Variants in GRIN2A observed in about 807,000 individuals in gnomAD.
GRIN2A encodes the protein glutamate receptor ionotropic, NMDA 2A.
In GRIN2A, 22 loss-of-function variants were observed where a neutral mutation model predicts 113.4. The ratio of observed to expected loss-of-function variants is 0.19; its 90% CI spans 0.14 to 0.28. GRIN2A has a LOEUF of 0.28. Ranked by LOEUF, GRIN2A falls within the 10% of genes least tolerant of loss-of-function variation. The probability of loss-of-function intolerance (pLI) is 1.00; values close to 1 mark genes in which losing one functional copy is unlikely to be tolerated. For missense variants in GRIN2A, 1,502 were observed against 1,887.0 expected, an observed-to-expected ratio of 0.80 and a Z score of 3.78; for synonymous variants, 827 against 738.4, an observed-to-expected ratio of 1.12 and a Z score of -1.94.
chr16:9,843,139 A>G (rs1448257166), intron 5 of GRIN2A, among the ~76,000 whole-genome samples: 3 of 152,056 alleles, frequency 2.0e-5, no homozygotes, highest in Admixed American at 6.6e-5. Context: ...AAGGAAAGAA[A>G]GAAAGAAGCA....
chr16:10,076,081 G>A (rs2047867105), intron 2 of GRIN2A, among the ~76,000 whole-genome samples: 1 of 152,144 alleles, frequency 6.6e-6, no homozygotes, highest in African/African-American at 2.4e-5. Flanking sequence ...ATGGCAAAAT[G>A]TGAATGTTCC....
At chr16:9,995,595 C>T (rs2046207692) in intron 2 of GRIN2A, among the ~76,000 whole-genome samples, 2 of 152,104 alleles carry the variant, frequency 1.3e-5, no homozygotes, top group African/African-American at 2.4e-5. Flanking sequence ...CTATTCACTC[C>T]CAGTCATAAT....
chr16:10,155,481 A>G (rs1181020096), intron 2 of GRIN2A, among the ~76,000 whole-genome samples: 1 of 152,202 alleles, frequency 6.6e-6, no homozygotes, highest in African/African-American at 2.4e-5. Flanking sequence ...GTTCAAGTTA[A>G]ATAGTGGACA....
intron 11 of GRIN2A, among the ~76,000 whole-genome samples, chr16:9,789,514 G>T (rs1902460187): frequency 6.6e-6 from 1 of 151,434 alleles, no homozygotes; most frequent in African/African-American, 2.4e-5. Flanking sequence ...AGAGAATTTG[G>T]AAAACAAACC....
rs1426934537 is a variant in GRIN2A at position 9,763,418 on chromosome 16, G to T, written c.4126C>A (p.Arg1376Ser). ...PFLHSHRDDQ[R>S]LVIGRCPSDP... ...GAGGGGCATCTCCCAATAACCAAGCGTTGGTCATCCCTGTGGGAGTGGAGG... is the reference window on the plus strand; with the variant it reads ...GAGGGGCATCTCCCAATAACCAAGCTTTGGTCATCCCTGTGGGAGTGGAGG... The change falls in exon 13 of 13, where the codon CGC (arginine) becomes AGC (serine). Residue 1376 changes from arginine to serine, a missense_variant. Arg to Ser is a moderately radical substitution (Grantham distance 110). This residue lies in a region of GRIN2A where 832 missense variants were observed against 789.7 expected (regional missense o/e 1.05). Transcript: ENST00000330684. 1 of 1,613,966 alleles carries T rather than the reference G, an allele frequency of 6.2e-7. No homozygotes were observed. The highest frequency in any genetic ancestry group is 8.5e-7 in the Non-Finnish European group (1 of 1,179,978).
At chr16:10,142,176 C>T (rs914834450) in intron 2 of GRIN2A, among the ~76,000 whole-genome samples, 4 of 152,098 alleles carry the variant, frequency 2.6e-5, no homozygotes, top group Admixed American at 2.6e-4. Context: ...GGAAGATTTA[C>T]TGAGCCACAG....
intron 2 of GRIN2A, among the ~76,000 whole-genome samples, chr16:10,025,455 C>A (rs1052534175): frequency 2.0e-5 from 3 of 151,972 alleles, no homozygotes; most frequent in Non-Finnish European, 4.4e-5. Flanking sequence ...GCCTATGCCA[C>A]CACATCTGAC....
intron 2 of GRIN2A, among the ~76,000 whole-genome samples, chr16:9,974,889 G>A (rs953953112): frequency 3.3e-5 from 5 of 152,086 alleles, no homozygotes; most frequent in African/African-American, 1.2e-4. Flanking sequence ...GAATAGAAGT[G>A]GTGAGATTGA....
At chr16:10,135,758 G>A (rs1186176993) in intron 2 of GRIN2A, among the ~76,000 whole-genome samples, 1 of 152,164 alleles carries the variant, frequency 6.6e-6, no homozygotes, top group Non-Finnish European at 1.5e-5. Flanking sequence ...ACTCTTCAGA[G>A]AAGCCTCAGC....
intron 9 of GRIN2A, among the ~76,000 whole-genome samples, chr16:9,828,866 C>G (rs2042435094): frequency 6.6e-6 from 1 of 152,160 alleles, no homozygotes; most frequent in Non-Finnish European, 1.5e-5. Context: ...GAAAAAAACT[C>G]TCTGCTCCTT....
chr16:10,176,171 G>A (rs946406695), intron 2 of GRIN2A, among the ~76,000 whole-genome samples: 1 of 151,740 alleles, frequency 6.6e-6, no homozygotes, highest in African/African-American at 2.4e-5. Context: ...ACATCCAGCT[G>A]ATTTTTGTAT....
At chr16:9,807,771 C>T (rs2042011187) in intron 10 of GRIN2A, among the ~76,000 whole-genome samples, 1 of 152,160 alleles carries the variant, frequency 6.6e-6, no homozygotes, top group African/African-American at 2.4e-5. Flanking sequence ...AAGGCCTCAG[C>T]TGGGATGCAG....
intron 2 of GRIN2A, among the ~76,000 whole-genome samples, chr16:10,061,618 C>CT (rs1202120284): frequency 6.6e-6 from 1 of 152,152 alleles, no homozygotes; most frequent in Non-Finnish European, 1.5e-5. Flanking sequence ...CAGTCTGGGG[C>CT]AGAGAGAGGT....
chr16:9,753,592 GACAT>G lies in GRIN2A; in HGVS notation c.*9553_*9556del, dbSNP rs1428897925. ...GATAACACATTGAACAAAATTAAAA[GACAT>G]ACTACAAGAAGACAACCATAGTATA... On this transcript the variant is annotated 3_prime_UTR_variant, in exon 13 of 13. Coordinates refer to ENST00000330684, the MANE Select transcript of GRIN2A (RefSeq NM_001134407.3). 5.1e-6 allele frequency: 1 copy of G among 196,996 alleles called. No individual in the cohort carries two copies. The highest frequency in any genetic ancestry group is 1.1e-5 in the Non-Finnish European group (1 of 94,964). The allele number at this position is 196,996 out of a possible 1,614,324, so 12.2% of individuals were successfully genotyped here. A position where few individuals can be genotyped will look rare whatever the true frequency, so the allele number is the denominator to read the frequency against.
At chr16:10,177,331 A>T (rs1472744894) in intron 2 of GRIN2A, among the ~76,000 whole-genome samples, 1 of 152,134 alleles carries the variant, frequency 6.6e-6, no homozygotes, top group Non-Finnish European at 1.5e-5. Context: ...ACCGTTCCAC[A>T]TGGGGACCAG....
chr16:10,165,136 T>C (rs28698287), intron 2 of GRIN2A, among the ~76,000 whole-genome samples: 3,959 of 152,262 alleles, frequency 0.026, 157 homozygotes, highest in African/African-American at 0.091. Context: ...TTGGTTTTCA[T>C]GGCAAAAAAT....
intron 2 of GRIN2A, among the ~76,000 whole-genome samples, chr16:10,098,573 A>G (rs72774190): frequency 0.011 from 1,679 of 152,322 alleles, 23 homozygotes; most frequent in Non-Finnish European, 0.017. Flanking sequence ...TTAATCGACA[A>G]GTGGCTAAAC....
chr16:9,906,663 CAG>C (rs2141535526), intron 3 of GRIN2A, among the ~76,000 whole-genome samples: 1 of 152,248 alleles, frequency 6.6e-6, no homozygotes, highest in African/African-American at 2.4e-5. Context: ...CTCACCTTAA[CAG>C]GGAGAAATAT....
At chr16:10,152,707 C>T (rs1028516184) in intron 2 of GRIN2A, among the ~76,000 whole-genome samples, 1 of 152,182 alleles carries the variant, frequency 6.6e-6, no homozygotes, top group Non-Finnish European at 1.5e-5. Flanking sequence ...CTCCCCATAG[C>T]CATACCCTAA....
Sources: gnomAD v4.1 joint callset for allele counts (sites outside exome capture counted in the v4.1 genomes callset) on GRCh38, gnomAD v4.1.1 for gene constraint, gnomAD v4.1.1 regional missense constraint, MANE v1.5 for transcripts, NCBI Gene and HGNC (gene_info 2026-07-23, HGNC 2026-07-21) for gene names.